Variants in DPP6 observed in about 807,000 individuals in gnomAD.
DPP6 encodes the protein dipeptidyl peptidase like 6.
DPP6 carries 69 observed loss-of-function variants against 122.6 expected under a neutral mutation model. That is an observed-to-expected ratio of 0.56 (90% CI 0.46 to 0.69). The LOEUF is 0.69. Among genes scored for constraint, DPP6 ranks in the 30% least tolerant of loss-of-function variants. The probability of loss-of-function intolerance (pLI) is 0.00; values close to 1 mark genes in which losing one functional copy is unlikely to be tolerated. For missense variants in DPP6, 928 were observed against 1,116.9 expected, an observed-to-expected ratio of 0.83 and a Z score of 2.41; for synonymous variants, 418 against 433.1, an observed-to-expected ratio of 0.97 and a Z score of 0.43.
At chr7:154,784,734 G>A (rs1427369855) in intron 10 of DPP6, among the ~76,000 whole-genome samples, 1 of 152,164 alleles carries the variant, frequency 6.6e-6, no homozygotes, top group Non-Finnish European at 1.5e-5. Context: ...AACAAAAAGA[G>A]CAAGCTCTCA....
chr7:153,879,619 A>G, the DPP6 span, among the ~76,000 whole-genome samples: 1 of 151,800 alleles, frequency 6.6e-6, no homozygotes, highest in African/African-American at 2.4e-5. Flanking sequence ...TGAACTCCTG[A>G]CCTCAGGTGA....
the DPP6 span, among the ~76,000 whole-genome samples, chr7:153,846,585 AT>A: frequency 1.4e-5 from 2 of 142,648 alleles, no homozygotes; most frequent in East Asian, 2.0e-4. Flanking sequence ...CATGTATGTC[AT>A]TTTTTTTTCT....
At chr7:154,127,642 CACACACACAG>C (rs372192032) in intron 1 of DPP6, among the ~76,000 whole-genome samples, 53,000 of 128,180 alleles carry the variant, frequency 0.41, 10,469 homozygotes, top group Non-Finnish European at 0.5. Flanking sequence ...CAGACACACA[CACACACACAG>C]ACACACACAC....
chr7:154,218,070 C>G (rs1286735414), intron 1 of DPP6, among the ~76,000 whole-genome samples: 1 of 152,208 alleles, frequency 6.6e-6, no homozygotes, highest in East Asian at 1.9e-4. Context: ...GAGGCTGAAG[C>G]CCTTCGCATT....
At chr7:154,412,815 C>T (rs1816721771) in intron 1 of DPP6, among the ~76,000 whole-genome samples, 2 of 152,334 alleles carry the variant, frequency 1.3e-5, no homozygotes, top group African/African-American at 2.4e-5. Context: ...AGGGCACACA[C>T]TGTGGCAGGT....
At chr7:154,392,044 C>T (rs1372729485) in intron 1 of DPP6, among the ~76,000 whole-genome samples, 1 of 152,176 alleles carries the variant, frequency 6.6e-6, no homozygotes, top group African/African-American at 2.4e-5. Context: ...GAGGCTGAGG[C>T]AGGCAGATCA....
chr7:154,390,366 G>C (rs1814509721), intron 1 of DPP6, among the ~76,000 whole-genome samples: 1 of 152,146 alleles, frequency 6.6e-6, no homozygotes, highest in Non-Finnish European at 1.5e-5. Flanking sequence ...GGGAGGCTTT[G>C]AGTTTTGTTC....
chr7:154,659,518 GCTAT>G (rs1452146461), intron 6 of DPP6, among the ~76,000 whole-genome samples: 3 of 152,210 alleles, frequency 2.0e-5, no homozygotes, highest in East Asian at 1.9e-4. Context: ...GAAGCTCTGT[GCTAT>G]CTATTTTCAC....
rs369250974 is a variant in DPP6, at chr7:154,192,199, TATC to T, written c.243+139139_243+139141del. 8.4e-3 allele frequency among the ~76,000 whole-genome samples: 1,285 copies of T among 152,378 alleles called. 14 individuals are homozygous for T. The highest frequency in any genetic ancestry group is 0.049 in the South Asian group (235 of 4,834). ...CAAGGTCTCCGACTGAGCAGGCAGT[TATC>T]ATTAAATTTCGTTTTCCCATTGAAT... On this transcript the variant is annotated intron_variant, in intron 1 of 25. Coordinates refer to ENST00000377770, the MANE Select transcript of DPP6 (RefSeq NM_130797.4).
At chr7:154,239,924 G>A (rs1403398090) in intron 1 of DPP6, among the ~76,000 whole-genome samples, 1 of 141,290 alleles carries the variant, frequency 7.1e-6, no homozygotes, top group African/African-American at 2.6e-5. Context: ...CCCAGGAGGC[G>A]GAGGTTGCAG....
intron 10 of DPP6, among the ~76,000 whole-genome samples, chr7:154,778,722 C>G (rs563053040): frequency 7.3e-5 from 11 of 151,504 alleles, no homozygotes; most frequent in Non-Finnish European, 1.5e-4. Context: ...ACCTCTGTCA[C>G]CTCCACAACC....
chr7:154,303,226 C>T lies in DPP6; in HGVS notation c.244-142988C>T, dbSNP rs966199762. Among the ~76,000 whole-genome samples the T allele has an allele frequency of 4.6e-5, 7 of 152,284 alleles. No individual in the cohort carries two copies. The East Asian group carries it at 5.8e-4, about 13-fold the overall frequency. On this transcript the variant is annotated intron_variant, in intron 1 of 25. Transcript: ENST00000377770. Reference sequence around the variant, plus strand: ...CTGAGCAACTCTGAGGCTGAAACTGCGCTGGTCTACTTTAAGGCAGGGGCT... The same window carrying T: ...CTGAGCAACTCTGAGGCTGAAACTGTGCTGGTCTACTTTAAGGCAGGGGCT...
intron 1 of DPP6, among the ~76,000 whole-genome samples, chr7:154,056,190 C>T (rs992596175): frequency 3.3e-5 from 5 of 152,162 alleles, no homozygotes; most frequent in Non-Finnish European, 7.4e-5. Context: ...TGGGTCAGTA[C>T]TAACATGCAA....
At chr7:154,470,122 T>C (rs1822132625) in intron 2 of DPP6, among the ~76,000 whole-genome samples, 1 of 152,220 alleles carries the variant, frequency 6.6e-6, no homozygotes, top group African/African-American at 2.4e-5. Flanking sequence ...GAGCCTCAGC[T>C]TGGGGGTCTG....
At chr7:154,331,127 C>T (rs1055098124) in intron 1 of DPP6, among the ~76,000 whole-genome samples, 15 of 152,174 alleles carry the variant, frequency 9.9e-5, no homozygotes, top group African/African-American at 3.4e-4. Flanking sequence ...TTTTCTCCCC[C>T]TCAGGTATTT....
chr7:154,089,779 G>T (rs1316167005), intron 1 of DPP6, among the ~76,000 whole-genome samples: 2 of 150,326 alleles, frequency 1.3e-5, no homozygotes, highest in African/African-American at 2.4e-5. Context: ...ATCTTCTCTG[G>T]TTTATTTTTT....
the DPP6 span, among the ~76,000 whole-genome samples, chr7:153,847,569 C>T: frequency 6.6e-6 from 1 of 152,150 alleles, no homozygotes; most frequent in African/African-American, 2.4e-5. Flanking sequence ...TTAACAGTTA[C>T]ATTCAGGGCT....
the DPP6 span, among the ~76,000 whole-genome samples, chr7:153,749,332 C>T: frequency 4.6e-5 from 7 of 152,146 alleles, no homozygotes; most frequent in East Asian, 1.9e-4. This position sits in a 1 kb window ranked among gnomAD's most constrained non-coding sequence, Gnocchi z 4.1. Context: ...GATTGCGAGG[C>T]TTTCGGGAGA....
chr7:154,406,650 A>G (rs1033510666), intron 1 of DPP6, among the ~76,000 whole-genome samples: 1 of 152,196 alleles, frequency 6.6e-6, no homozygotes, highest in Non-Finnish European at 1.5e-5. Flanking sequence ...CTCTAGGTCA[A>G]TGGTTCTCAA....
Sources: allele counts gnomAD v4.1 joint callset (sites outside exome capture counted in the v4.1 genomes callset), GRCh38; gene constraint gnomAD v4.1.1; non-coding constraint Gnocchi (gnomAD v3.1); transcripts MANE v1.5; gene names NCBI Gene and HGNC (gene_info 2026-07-23, HGNC 2026-07-21).